Variants in CEP44 observed in about 807,000 individuals in gnomAD.
CEP44 encodes centrosomal protein 44.
A neutral mutation model predicts 46.7 loss-of-function variants in CEP44; 45 were observed. That is an observed-to-expected ratio of 0.96 (90% CI 0.76 to 1.24). CEP44 has a LOEUF of 1.24. Among genes scored for constraint, CEP44 ranks in the 50% most tolerant of loss-of-function variants. The pLI is 0.00. For synonymous variants in CEP44, 142 were observed against 146.0 expected (o/e 0.97, Z 0.20); for missense variants, 475 against 459.7 (o/e 1.03, Z -0.30).
chr4:174,331,793 T>G lies in CEP44; in HGVS notation c.*198T>G. 1 of 594,754 alleles carries G rather than the reference T, an allele frequency of 1.7e-6. No individual in the cohort carries two copies. The highest frequency in any genetic ancestry group is 2.6e-6 in the Non-Finnish European group (1 of 388,974). The allele number at this position is 594,754 out of a possible 1,614,324, so 36.8% of individuals were successfully genotyped here. On this transcript the variant is annotated 3_prime_UTR_variant, in exon 9 of 9. Coordinates refer to the CEP44 transcript ENST00000426172. The surrounding 1 kb of genome is among the most constrained non-coding windows in gnomAD (Gnocchi z 4.5). ...ACTTAGTTGTTTGTCTAATTTCTAT[T>G]TTCCAGAAATTTCTCAAAATGTCTG...
intron 6 of CEP44, 143 bp downstream of exon 6, chr4:174,304,512 T>C (rs1414711308): frequency 8.9e-7 from 1 of 1,119,982 alleles, no homozygotes; most frequent in African/African-American, 1.7e-5. Context: ...GCATGCCATA[T>C]ATTTTTGGGC....
intron 6 of CEP44, among the ~76,000 whole-genome samples, chr4:174,306,034 G>A (rs924061029): frequency 4.6e-5 from 7 of 151,928 alleles, no homozygotes; most frequent in Non-Finnish European, 1.0e-4. Context: ...GAGTCTACAA[G>A]TACATTTCTT....
intron 6 of CEP44, among the ~76,000 whole-genome samples, chr4:174,308,290 G>T (rs989678587): frequency 5.9e-5 from 9 of 152,312 alleles, no homozygotes; most frequent in African/African-American, 2.2e-4. Flanking sequence ...GGAATACTCT[G>T]TAGCCGTAAA....
chr4:174,294,513 C>T (rs879833242), intron 1 of CEP44, among the ~76,000 whole-genome samples: 14 of 151,750 alleles, frequency 9.2e-5, no homozygotes, highest in Admixed American at 2.0e-4. Context: ...TTCTATTCCA[C>T]AAAACCGCCA....
rs868338854 is a variant in CEP44, at chr4:174,291,569, A to G, written c.-147-6397A>G. Among the ~76,000 whole-genome samples, 5 of 152,176 alleles carry G rather than the reference A, an allele frequency of 3.3e-5. No homozygotes were observed. In the South Asian group the frequency reaches 1.0e-3, roughly 32 times the overall value. On this transcript the variant is annotated intron_variant, in intron 1 of 11. Coordinates refer to ENST00000503780, the MANE Select transcript of CEP44 (RefSeq NM_001040157.3). ...ATGAGATTTACGTGCCACAGATTTC[A>G]GTATTGCAATATTCCATGTTTGTTT...
intron 9 of CEP44, among the ~76,000 whole-genome samples, chr4:174,315,334 A>AT (rs1333140042): frequency 6.6e-6 from 1 of 151,082 alleles, no homozygotes; most frequent in African/African-American, 2.4e-5. Flanking sequence ...TCTAATTGAT[A>AT]TTTTTGTAGG....
In CEP44 at chr4:174,309,837, C is replaced by G; in HGVS notation, c.679-13C>G. 6.5e-7 allele frequency: 1 copy of G among 1,545,974 alleles called. No homozygotes were observed. The highest frequency in any genetic ancestry group is 8.9e-7 in the Non-Finnish European group (1 of 1,125,806). ...TTGTTTAATTTTATTTTTAATCTCT[C>G]TAACCTTTTTAGGATGTAAATGTTA... is the stretch of plus-strand genomic sequence containing the variant. On this transcript the variant is annotated splice_polypyrimidine_tract_variant and intron_variant, in intron 7 of 11. Transcript: ENST00000503780. This position sits in a 1 kb window ranked among gnomAD's most constrained non-coding sequence, Gnocchi z 5.3.
chr4:174,324,402 T>C (rs1742521245), downstream of CEP44, among the ~76,000 whole-genome samples: 1 of 152,112 alleles, frequency 6.6e-6, no homozygotes, highest in Admixed American at 6.6e-5. Flanking sequence ...CTTGGGTAAA[T>C]GCCTAGGAGT....
chr4:174,301,947 T>A lies in CEP44; in HGVS notation c.90-92T>A, dbSNP rs1739764751. 2 of 1,101,932 alleles carry A rather than the reference T, an allele frequency of 1.8e-6. No homozygotes were observed. Among genetic ancestry groups the A allele is most frequent in the Admixed American group, 5.9e-5 (2 of 34,162 alleles). 68.3% of individuals were successfully genotyped at this position (1,101,932 alleles called of 1,614,324 possible). A position where few individuals can be genotyped will look rare whatever the true frequency, so the allele number is the denominator to read the frequency against. On this transcript the variant is annotated intron_variant, in intron 3 of 11. Transcript: ENST00000503780. This position sits in a 1 kb window ranked among gnomAD's most constrained non-coding sequence, Gnocchi z 4.3. ...TATAGTGTTAAGTTTTAAATTATTA[T>A]AAACATTTCTAATATTTTCTTGATT...
At position 174,302,202 on chromosome 4, in the gene CEP44, C is replaced by A; in HGVS notation, c.237+16C>A. On this transcript the variant is annotated intron_variant, in intron 4 of 11. Transcript: ENST00000503780. ...TGTCTATAAGGTATTTTGAGTTTAT[C>A]AAACAATAACTATTAGTTATTGAAT... 6.6e-7 allele frequency: 1 copy of A among 1,516,542 alleles called. No individual in the cohort carries two copies. Among genetic ancestry groups the A allele is most frequent in the Non-Finnish European group, 9.0e-7 (1 of 1,110,596 alleles). 93.9% of individuals were successfully genotyped at this position (1,516,542 alleles called of 1,614,324 possible).
In CEP44 at chr4:174,314,496, G is replaced by T. The variant is rs1159723022; in HGVS notation, c.962-1670G>T. Among the ~76,000 whole-genome samples, 1 of 152,030 alleles carries T rather than the reference G, an allele frequency of 6.6e-6. No individual in the cohort carries two copies. The highest frequency in any genetic ancestry group is 2.4e-5 in the African/African-American group (1 of 41,356). On this transcript the variant is annotated intron_variant, in intron 9 of 11. Transcript: ENST00000503780. The surrounding 1 kb of genome is among the most constrained non-coding windows in gnomAD (Gnocchi z 4.1). Reference sequence around the variant, plus strand: ...ATAACTATGAATAGCCTGCCAGCCTGCCAAATACCAGCTTTCTCCCACCAT... The same window carrying T: ...ATAACTATGAATAGCCTGCCAGCCTTCCAAATACCAGCTTTCTCCCACCAT...
At chr4:174,302,998 T>G (rs1739917187) in intron 4 of CEP44, among the ~76,000 whole-genome samples, 1 of 152,086 alleles carries the variant, frequency 6.6e-6, no homozygotes, top group Non-Finnish European at 1.5e-5. Context: ...GCCAGGATGG[T>G]CTCGATCTCC....
At chr4:174,293,112 T>C (rs887843066) in intron 1 of CEP44, among the ~76,000 whole-genome samples, 1 of 152,184 alleles carries the variant, frequency 6.6e-6, no homozygotes. Context: ...TCTGCTTACA[T>C]GTTCAAAATC....
At chr4:174,285,562 A>T (rs1361646602) in intron 1 of CEP44, 1 of 152,230 alleles carries the variant, frequency 6.6e-6, no homozygotes, top group Non-Finnish European at 1.5e-5. Context: ...CCAAAATGTC[A>T]GAAAAAGGAA....
chr4:174,284,866 A>G (rs1737394728), intron 1 of CEP44, among the ~76,000 whole-genome samples: 3 of 152,176 alleles, frequency 2.0e-5, no homozygotes, highest in Non-Finnish European at 4.4e-5. Flanking sequence ...ATTATGTGCT[A>G]TGTCACAAAC....
Position 174,294,917 on chromosome 4 carries a change from G to A in CEP44, c.-147-3049G>A, listed in dbSNP as rs571811055. Among the ~76,000 whole-genome samples, 601 of 127,324 alleles carry A rather than the reference G, an allele frequency of 4.7e-3. 4 individuals are homozygous for A. The highest frequency in any genetic ancestry group is 0.016 in the African/African-American group (533 of 33,326). The allele number at this position is 127,324 out of a possible 152,430, so 83.5% of individuals were successfully genotyped here. ...CGGGCAGATGGGCTCCTCACTTCCC[G>A]GTAGGGGCGGCCAGGCAGAGGCGCC... On this transcript the variant is annotated intron_variant, in intron 1 of 11. Transcript: ENST00000503780.
At chr4:174,332,690 T>G (rs145827797) in exon 9 of CEP44, 12 of 152,278 alleles carry the variant, frequency 7.9e-5, no homozygotes, top group African/African-American at 2.6e-4. Context: ...TCACAACCAC[T>G]TACTGACCTG....
downstream of CEP44, among the ~76,000 whole-genome samples, chr4:174,322,307 C>T (rs567592190): frequency 2.3e-4 from 35 of 152,092 alleles, no homozygotes; most frequent in South Asian, 4.1e-4. Flanking sequence ...CTGGGCTTTC[C>T]ATGACTTTAC....
chr4:174,306,186 G>A lies in CEP44; in HGVS notation c.507+1817G>A, dbSNP rs374223792. Among the ~76,000 whole-genome samples the A allele has an allele frequency of 1.5e-4, 23 of 152,120 alleles. No homozygotes were observed. The East Asian group carries it at 2.1e-3, about 14-fold the overall frequency. ...ACTGTAGAATAGGAAGCAGGTAGAG[G>A]ATTTCTAGGTAAATGCATACCGTGA... On this transcript the variant is annotated intron_variant, in intron 6 of 11. Transcript: ENST00000503780.
Sources: allele counts gnomAD v4.1 joint callset (sites outside exome capture counted in the v4.1 genomes callset), GRCh38; gene constraint gnomAD v4.1.1; non-coding constraint Gnocchi (gnomAD v3.1); transcripts MANE v1.5; gene names NCBI Gene and HGNC (gene_info 2026-07-23, HGNC 2026-07-21).